Variants in R3HDML observed in about 807,000 individuals in gnomAD.
R3HDML encodes R3H domain containing like, also known as peptidase inhibitor R3HDML.
A neutral mutation model predicts 24.2 loss-of-function variants in R3HDML; 21 were observed. The observed-to-expected ratio is 0.87, with a 90% CI of 0.62 to 1.25. The LOEUF (loss-of-function observed/expected upper bound fraction) is 1.25. Ranked by LOEUF, R3HDML falls within the 50% of genes most tolerant of loss-of-function variation. The pLI is 0.00. For synonymous variants in R3HDML, 133 were observed against 131.5 expected (o/e 1.01, Z -0.08); for missense variants, 301 against 340.3 (o/e 0.88, Z 0.91).
At chr20:44,338,131 C>T (rs1158932486) in intron 1 of R3HDML, among the ~76,000 whole-genome samples, 3 of 152,184 alleles carry the variant, frequency 2.0e-5, no homozygotes, top group African/African-American at 7.2e-5. Context: ...CCCCCAGGGC[C>T]ACTGTCCAAA....
Position 44,345,322 on chromosome 20 carries a change from T to C in R3HDML, c.573T>C (p.Ser191=), listed in dbSNP as rs747571862. 14 of 1,614,028 alleles carry C rather than the reference T, an allele frequency of 8.7e-6. No individual in the cohort carries two copies. The highest frequency in any genetic ancestry group is 1.3e-5 in the African/African-American group (1 of 74,918). Residue 191 remains serine, a synonymous_variant, in exon 4 of 5, where the codon AGT becomes AGC. Coordinates refer to ENST00000217043, the MANE Select transcript of R3HDML (RefSeq NM_178491.4). ...GCAIHTCSSI[S]VWGNTWHRAA... ...CCATCCACACCTGTAGTAGCATCAG[T>C]GTCTGGGGCAACACCTGGCATCGGG...
Position 44,350,489 on chromosome 20 carries a change from A to AAAATAAAT in R3HDML, c.630-155_630-148dup, listed in dbSNP as rs141709514. The AAAATAAAT allele has an allele frequency of 6.2e-4, 336 of 542,618 alleles. 2 individuals are homozygous for AAAATAAAT. Among genetic ancestry groups the AAAATAAAT allele is most frequent in the African/African-American group, 6.0e-3 (300 of 49,716 alleles). 33.6% of individuals were successfully genotyped at this position (542,618 alleles called of 1,614,324 possible). ...TGAGCTATGGGTGACAGAGCAAAAC[A>AAAATAAAT]AAATAAATAAATAAATAAATAAAGG... On this transcript the variant is annotated intron_variant, in intron 4 of 4. Transcript: ENST00000217043.
intron 4 of R3HDML, among the ~76,000 whole-genome samples, chr20:44,346,954 C>T (rs974763063): frequency 2.0e-5 from 3 of 152,170 alleles, no homozygotes; most frequent in African/African-American, 7.2e-5. Context: ...CCAGCCTGGC[C>T]AACATGGCAA....
At chr20:44,342,146 A>T (rs2062773954) in intron 2 of R3HDML, among the ~76,000 whole-genome samples, 1 of 152,194 alleles carries the variant, frequency 6.6e-6, no homozygotes. Flanking sequence ...AGGCCTATAA[A>T]ATTGCAAAAA....
At position 44,341,272 on chromosome 20, in the gene R3HDML, T is replaced by C. The variant is rs1444365586; in HGVS notation, c.338T>C (p.Leu113Pro). ...QCIWAHGPSQ[L>P]MRYVGQNLSI... ...ATCTGGGCACATGGGCCTTCACAGC[T>C]GATGAGATACGTGGGCCAGAACCTC... The change falls in exon 2 of 5, where the codon CTG becomes CCG. Residue 113 changes from leucine (L) to proline (P), a missense_variant. Transcript: ENST00000217043. The C allele has an allele frequency of 1.2e-6, 2 of 1,614,050 alleles. No individual in the cohort carries two copies. The highest frequency in any genetic ancestry group is 1.7e-6 in the Non-Finnish European group (2 of 1,180,014).
rs182582690 is a variant in R3HDML, at chr20:44,346,484, A to C, written c.629+1106A>C. On this transcript the variant is annotated intron_variant, in intron 4 of 4. Transcript: ENST00000217043. Reference sequence around the variant, plus strand: ...AGACAGGATTGACACAGGTGGAAAGACAGTGTTGCTGAAGTCAGTAGTGGA... The same window carrying C: ...AGACAGGATTGACACAGGTGGAAAGCCAGTGTTGCTGAAGTCAGTAGTGGA... Among the ~76,000 whole-genome samples, 6 of 152,346 alleles carry C rather than the reference A, an allele frequency of 3.9e-5. No individual in the cohort carries two copies. In the East Asian group the frequency reaches 1.2e-3, roughly 29 times the overall value.
At position 44,343,489 on chromosome 20, in the gene R3HDML, A is replaced by C. The variant is rs2146110591; in HGVS notation, c.493A>C (p.Thr165Pro). ...CTGCCCCTGGCGCTGCGATGGCCCC[A>C]CCTGCTCCCATTATACCCAGGTACT... ...PHCPWRCDGP[T>P]CSHYTQMVWA... Residue 165 changes from threonine (T) to proline (P), a missense_variant, in exon 3 of 5, where the codon ACC becomes CCC. Physicochemically the swap from Thr to Pro is conservative, Grantham distance 38 (BLOSUM62 -1). Transcript: ENST00000217043. The C allele has an allele frequency of 1.2e-6, 2 of 1,609,940 alleles. No individual in the cohort carries two copies. Among genetic ancestry groups the C allele is most frequent in the East Asian group, 4.5e-5 (2 of 44,566 alleles).
intron 1 of R3HDML, among the ~76,000 whole-genome samples, chr20:44,340,573 T>C (rs958878759): frequency 7.2e-5 from 11 of 152,174 alleles, no homozygotes; most frequent in Non-Finnish European, 1.2e-4. Flanking sequence ...GGCAGGTGAA[T>C]TGTTTGAGGC....
rs1195319828 is a variant in R3HDML, at chr20:44,337,316, C to A, written c.159C>A (p.Arg53=). ...GTGGCCTGGAGGTGCCCAGGTACCGCCGGAAGCGCCACATCTCTGTGAGAG... is the reference window on the plus strand; with the variant it reads ...GTGGCCTGGAGGTGCCCAGGTACCGACGGAAGCGCCACATCTCTGTGAGAG... The part of the protein sequence containing the change: ...LLSGLEVPRY[R]RKRHISVRDM... Residue 53 remains arginine, a synonymous_variant, in exon 1 of 5, where the codon CGC becomes CGA. Coordinates refer to ENST00000217043, the MANE Select transcript of R3HDML (RefSeq NM_178491.4). This position sits in a 1 kb window ranked among gnomAD's most constrained non-coding sequence, Gnocchi z 4.7. The A allele has an allele frequency of 6.2e-7, 1 of 1,614,210 alleles. No individual in the cohort carries two copies. The highest frequency in any genetic ancestry group is 8.5e-7 in the Non-Finnish European group (1 of 1,180,052).
In R3HDML at chr20:44,337,691, G is replaced by A. The variant is rs115102213; in HGVS notation, c.261+273G>A. Among the ~76,000 whole-genome samples, 77 of 152,292 alleles carry A rather than the reference G, an allele frequency of 5.1e-4. No homozygotes were observed. Among genetic ancestry groups the A allele is most frequent in the African/African-American group, 1.6e-3 (66 of 41,564 alleles). The stretch of plus-strand genomic sequence containing the variant: ...CACCACTGTGCGCCAGGCACTGCAC[G>A]TGAGTATCATCTCCATTTTCCAGAG... On this transcript the variant is annotated intron_variant, in intron 1 of 4. Coordinates refer to ENST00000217043, the MANE Select transcript of R3HDML (RefSeq NM_178491.4). This position sits in a 1 kb window ranked among gnomAD's most constrained non-coding sequence, Gnocchi z 4.7.
chr20:44,348,843 A>G (rs1049903210), intron 4 of R3HDML, among the ~76,000 whole-genome samples: 1 of 152,032 alleles, frequency 6.6e-6, no homozygotes, highest in Non-Finnish European at 1.5e-5. Context: ...CTGCTCACAG[A>G]ATTTAAGGAT....
chr20:44,337,493 G>T lies in R3HDML; in HGVS notation c.261+75G>T. On this transcript the variant is annotated intron_variant, in intron 1 of 4. Transcript: ENST00000217043. The surrounding 1 kb of genome is among the most constrained non-coding windows in gnomAD (Gnocchi z 4.7). ...ACGCAGCCGGACTCATCTTGGCCTA[G>T]AATGACTGGCTTTGAAGAGCTGGAC... The T allele has an allele frequency of 6.6e-7, 1 of 1,511,700 alleles. No homozygotes were observed. The highest frequency in any genetic ancestry group is 1.2e-5 in the South Asian group (1 of 80,030). 93.6% of individuals were successfully genotyped at this position (1,511,700 alleles called of 1,614,324 possible).
At chr20:44,339,157 T>G (rs1049884704) in intron 1 of R3HDML, among the ~76,000 whole-genome samples, 1 of 151,862 alleles carries the variant, frequency 6.6e-6, no homozygotes, top group Middle Eastern at 3.4e-3. Context: ...CCTAGCTGAC[T>G]TCTACTCACA....
Position 44,337,248 on chromosome 20 carries a change from C to G in R3HDML, c.91C>G (p.Pro31Ala), listed in dbSNP as rs1432931529. ...VNALIMPNATPAPAQPESTAM... is the reference protein window; with the variant it reads ...VNALIMPNATAAPAQPESTAM... ...CGCCTTGATAATGCCTAATGCTACCCCAGCCCCGGCCCAGCCCGAGAGCAC... is the reference window on the plus strand; with the variant it reads ...CGCCTTGATAATGCCTAATGCTACCGCAGCCCCGGCCCAGCCCGAGAGCAC... The change falls in exon 1 of 5, where the codon CCA (proline) becomes GCA (alanine). Residue 31 changes from proline to alanine, a missense_variant. Physicochemically the swap from Pro to Ala is conservative, Grantham distance 27. Transcript: ENST00000217043. The surrounding 1 kb of genome is among the most constrained non-coding windows in gnomAD (Gnocchi z 4.7). The G allele has an allele frequency of 1.9e-6, 3 of 1,614,080 alleles. No individual in the cohort carries two copies.
At position 44,337,435 on chromosome 20, in the gene R3HDML, G is replaced by C; in HGVS notation, c.261+17G>C. The C allele has an allele frequency of 6.2e-7, 1 of 1,603,218 alleles. No individual in the cohort carries two copies. Among genetic ancestry groups the C allele is most frequent in the South Asian group, 1.1e-5 (1 of 90,628 alleles). On this transcript the variant is annotated intron_variant, in intron 1 of 4. Transcript: ENST00000217043. This position sits in a 1 kb window ranked among gnomAD's most constrained non-coding sequence, Gnocchi z 4.7. ...GAATACATGGTGAGTCCCCGTACCT[G>C]CCCCCCACCCCCCGCAGTGTCCCTT... is the stretch of plus-strand genomic sequence containing the variant.
intron 1 of R3HDML, 128 bp from the exon 2 acceptor site, chr20:44,341,068 A>T: frequency 1.4e-6 from 1 of 713,344 alleles, no homozygotes; most frequent in Non-Finnish European, 2.4e-6. Flanking sequence ...CTACTTTGTC[A>T]CGTGGGTTTG....
At chr20:44,343,260 GGAAACT>G in intron 2 of R3HDML, 111 bp from the exon 3 acceptor site, 2 of 1,308,886 alleles carry the variant, frequency 1.5e-6, no homozygotes, top group Non-Finnish European at 2.2e-6. Flanking sequence ...CTCACAGATA[GGAAACT>G]GAGATGGGGG....
chr20:44,339,433 T>C (rs1452182032), intron 1 of R3HDML, among the ~76,000 whole-genome samples: 1 of 152,164 alleles, frequency 6.6e-6, no homozygotes, highest in African/African-American at 2.4e-5. Flanking sequence ...ATTTTCTGGT[T>C]ATAAAACTTG....
chr20:44,340,762 C>T (rs534641075), intron 1 of R3HDML, among the ~76,000 whole-genome samples: 3 of 152,126 alleles, frequency 2.0e-5, no homozygotes, highest in Admixed American at 6.5e-5. Flanking sequence ...GCTGCGATCG[C>T]ACCACTGCAC....
Sources: gnomAD v4.1 joint callset for allele counts (sites outside exome capture counted in the v4.1 genomes callset) on GRCh38, gnomAD v4.1.1 for gene constraint, Gnocchi (gnomAD v3.1) non-coding constraint, MANE v1.5 for transcripts, NCBI Gene and HGNC (gene_info 2026-07-23, HGNC 2026-07-21) for gene names.